The following ATXN1 variants were observed in gnomAD, a reference collection of about 807,000 sequenced individuals.
The protein encoded by ATXN1 is ataxin-1.
ATXN1 carries 8 observed loss-of-function variants against 56.4 expected under a neutral mutation model. The ratio of observed to expected loss-of-function variants is 0.14; its 90% CI spans 0.08 to 0.26. ATXN1 has a LOEUF of 0.26. ATXN1 is among the 10% of genes least tolerant of loss of function. ATXN1 has a pLI of 1.00. For missense variants in ATXN1, 987 were observed against 1,106.5 expected (o/e 0.89, Z 1.53); for synonymous variants, 514 against 494.6 (o/e 1.04, Z -0.52).
chr6:16,758,033 GA>G (rs199667837), intron 1 of ATXN1, among the ~76,000 whole-genome samples: 5 of 149,862 alleles, frequency 3.3e-5, no homozygotes, highest in Admixed American at 6.6e-5. Context: ...CTTAGCTAAG[GA>G]AAAAAAAATC....
At chr6:16,354,298 C>T (rs2113464937) in intron 6 of ATXN1, among the ~76,000 whole-genome samples, 1 of 152,106 alleles carries the variant, frequency 6.6e-6, no homozygotes, top group East Asian at 1.9e-4. Context: ...CGCTCTGTCG[C>T]CCAGGCTGGA....
chr6:16,716,686 G>A (rs1367208214), intron 2 of ATXN1, among the ~76,000 whole-genome samples: 2 of 152,170 alleles, frequency 1.3e-5, no homozygotes, highest in Non-Finnish European at 2.9e-5. Flanking sequence ...CTTGGACTAT[G>A]GTCTCTTTCA....
intron 5 of ATXN1, among the ~76,000 whole-genome samples, chr6:16,510,320 G>C (rs1761060612): frequency 6.6e-6 from 1 of 152,198 alleles, no homozygotes; most frequent in Non-Finnish European, 1.5e-5. Flanking sequence ...CGACCCACTT[G>C]ATCAAGCTCA....
intron 7 of ATXN1, among the ~76,000 whole-genome samples, chr6:16,308,757 T>C (rs1424963020): frequency 6.6e-6 from 1 of 152,120 alleles, no homozygotes; most frequent in African/African-American, 2.4e-5. Context: ...GTGGTGGTCA[T>C]GAGGAGACCA....
intron 2 of ATXN1, among the ~76,000 whole-genome samples, chr6:16,692,290 T>C (rs533177281): frequency 6.6e-6 from 1 of 152,204 alleles, no homozygotes; most frequent in Non-Finnish European, 1.5e-5. Context: ...TTTGTAACCA[T>C]TGAAGTAAAC....
At chr6:16,542,331 G>T (rs1274262364) in intron 4 of ATXN1, among the ~76,000 whole-genome samples, 1 of 152,076 alleles carries the variant, frequency 6.6e-6, no homozygotes, top group Non-Finnish European at 1.5e-5. Flanking sequence ...AATCTAAATT[G>T]CGCTCTTCAA....
intron 2 of ATXN1, among the ~76,000 whole-genome samples, chr6:16,658,770 A>G (rs529574979): frequency 7.4e-4 from 112 of 152,294 alleles, no homozygotes; most frequent in Non-Finnish European, 1.5e-3. Flanking sequence ...CTCCTTTTTT[A>G]GCCTTTTATG....
intron 6 of ATXN1, among the ~76,000 whole-genome samples, chr6:16,349,286 C>T (rs1019442235): frequency 6.6e-6 from 1 of 152,032 alleles, no homozygotes; most frequent in Non-Finnish European, 1.5e-5. Flanking sequence ...TGGTGGATCA[C>T]GAGATGAAGA....
intron 4 of ATXN1, among the ~76,000 whole-genome samples, chr6:16,567,656 T>C (rs1398954010): frequency 6.6e-6 from 1 of 151,862 alleles, no homozygotes; most frequent in African/African-American, 2.4e-5. Context: ...CAATGAGAAA[T>C]TTTTACTTGT....
At chr6:16,587,322 A>G (rs236972) in intron 3 of ATXN1, among the ~76,000 whole-genome samples, 120,021 of 152,134 alleles carry the variant, frequency 0.79, 47,666 homozygotes, top group East Asian at 0.87. Flanking sequence ...CAAAAGGCAT[A>G]TATGAATTCC....
intron 3 of ATXN1, among the ~76,000 whole-genome samples, chr6:16,596,547 A>T (rs904207466): frequency 1.3e-5 from 2 of 152,208 alleles, no homozygotes; most frequent in South Asian, 2.1e-4. Context: ...ATGACTTTGG[A>T]TTCCTATGTC....
At chr6:16,664,925 G>T (rs924423910) in intron 2 of ATXN1, among the ~76,000 whole-genome samples, 1 of 152,094 alleles carries the variant, frequency 6.6e-6, no homozygotes, top group African/African-American at 2.4e-5. Context: ...TATACCCATT[G>T]CATACTACAT....
At chr6:16,416,222 T>C (rs529141151) in intron 6 of ATXN1, among the ~76,000 whole-genome samples, 1 of 152,262 alleles carries the variant, frequency 6.6e-6, no homozygotes, top group African/African-American at 2.4e-5. Flanking sequence ...TGGTCAATAA[T>C]TTATATGGCT....
intron 7 of ATXN1, among the ~76,000 whole-genome samples, chr6:16,308,786 T>C (rs756975075): frequency 6.6e-6 from 1 of 152,206 alleles, no homozygotes; most frequent in African/African-American, 2.4e-5. Context: ...GTATAAGCAC[T>C]AGCAAAATAT....
At chr6:16,436,851 G>T (rs1436975774) in intron 6 of ATXN1, among the ~76,000 whole-genome samples, 1 of 152,170 alleles carries the variant, frequency 6.6e-6, no homozygotes, top group African/African-American at 2.4e-5. Context: ...ACCAGTTCAT[G>T]CTGGCTGTTG....
intron 2 of ATXN1, among the ~76,000 whole-genome samples, chr6:16,702,179 C>T (rs1029173158): frequency 6.6e-6 from 1 of 152,044 alleles, no homozygotes; most frequent in Non-Finnish European, 1.5e-5. Context: ...GAAATAATGC[C>T]ACACATCTAC....
rs147092260 is a variant in ATXN1 at position 16,629,504 on chromosome 6, A to G, written c.-489+28272T>C. 5.3e-3 allele frequency among the ~76,000 whole-genome samples: 799 copies of G among 151,958 alleles called. 6 individuals carry two copies. The highest frequency in any genetic ancestry group is 0.018 in the African/African-American group (754 of 41,454). On this transcript the variant is annotated intron_variant, in intron 3 of 7. Transcript: ENST00000436367. Reference sequence around the variant, plus strand: ...CACCAGCCCAGCTAATTGTTTTTGTATTTTTTAGTAGAGATGGGGTTTCAC... The same window carrying G: ...CACCAGCCCAGCTAATTGTTTTTGTGTTTTTTAGTAGAGATGGGGTTTCAC...
chr6:16,316,469 G>A (rs761213969), intron 7 of ATXN1, among the ~76,000 whole-genome samples: 9 of 152,180 alleles, frequency 5.9e-5, no homozygotes, highest in African/African-American at 1.7e-4. Flanking sequence ...AGAAGAGGCC[G>A]GGCATGGTGG....
intron 6 of ATXN1, among the ~76,000 whole-genome samples, chr6:16,468,953 C>A (rs1048577610): frequency 7.9e-5 from 12 of 151,906 alleles, no homozygotes; most frequent in African/African-American, 2.9e-4. Flanking sequence ...TTGATCCACT[C>A]ATCTGGACCA....
Sources: allele counts gnomAD v4.1 joint callset (sites outside exome capture counted in the v4.1 genomes callset), GRCh38; gene constraint gnomAD v4.1.1; transcripts MANE v1.5; gene names NCBI Gene and HGNC (gene_info 2026-07-23, HGNC 2026-07-21).